Variants in TLCD4 observed in about 807,000 individuals in gnomAD.
TLCD4 encodes the protein TLC domain containing 4.
TLCD4 carries 7 observed loss-of-function variants against 24.2 expected under a neutral mutation model. The ratio of observed to expected loss-of-function variants is 0.29; its 90% CI spans 0.16 to 0.54. The LOEUF is 0.54. TLCD4 is among the 20% of genes least tolerant of loss of function. TLCD4 has a pLI of 0.95. For synonymous variants in TLCD4, 103 were observed against 106.4 expected, an observed-to-expected ratio of 0.97 and a Z score of 0.20; for missense variants, 259 against 313.9, an observed-to-expected ratio of 0.82 and a Z score of 1.32.
At chr1:95,128,752 T>A (rs1676809975) in intron 1 of TLCD4, among the ~76,000 whole-genome samples, 2 of 152,206 alleles carry the variant, frequency 1.3e-5, no homozygotes, top group Non-Finnish European at 2.9e-5. Context: ...AGCAGAATTG[T>A]ATGTGTGTGT....
At chr1:95,148,602 G>T in intron 2 of TLCD4, 100 bp from the exon 3 acceptor site, 1 of 1,492,524 alleles carries the variant, frequency 6.7e-7, no homozygotes, top group Non-Finnish European at 9.1e-7. Flanking sequence ...GTATATAAAT[G>T]CTTCCAGGTA....
rs1459834715 is a variant in TLCD4, at chr1:95,147,358, G to A, written c.156-1344G>A. ...CAAAGTGCTGGGATTACAGGTGTGA[G>A]CCACCATGCCCGGCCAAGGAATTTA... On this transcript the variant is annotated intron_variant, in intron 2 of 6. Transcript: ENST00000370203. Among the ~76,000 whole-genome samples the A allele has an allele frequency of 2.6e-5, 4 of 152,304 alleles. 1 individual carries two copies. In the East Asian group the frequency reaches 5.8e-4, roughly 22 times the overall value.
chr1:95,106,498 C>T, the TLCD4 span, among the ~76,000 whole-genome samples: 2 of 152,026 alleles, frequency 1.3e-5, no homozygotes, highest in African/African-American at 4.8e-5. Flanking sequence ...CTCAGGAGTC[C>T]GAGACCAGCC....
intron 6 of TLCD4, among the ~76,000 whole-genome samples, chr1:95,181,659 C>T (rs942194852): frequency 1.4e-4 from 22 of 151,816 alleles, no homozygotes; most frequent in Admixed American, 7.2e-4. Flanking sequence ...TGCCGTGGTG[C>T]GATCTTGGCT....
intron 6 of TLCD4, among the ~76,000 whole-genome samples, chr1:95,191,205 C>T (rs1374813395): frequency 6.6e-6 from 1 of 152,142 alleles, no homozygotes; most frequent in African/African-American, 2.4e-5. Flanking sequence ...CAATTTTGCA[C>T]ACCTTGTTGA....
chr1:95,153,716 T>C (rs1200370142), intron 5 of TLCD4, among the ~76,000 whole-genome samples: 1 of 152,142 alleles, frequency 6.6e-6, no homozygotes, highest in African/African-American at 2.4e-5. Context: ...GAGCTGCTAG[T>C]TAACTGTAGA....
chr1:95,147,138 A>G (rs1489822426), intron 2 of TLCD4, among the ~76,000 whole-genome samples: 3 of 151,342 alleles, frequency 2.0e-5, no homozygotes, highest in Admixed American at 6.6e-5. Context: ...CAGTGGTGCA[A>G]TCTCCACTCA....
chr1:95,168,304 T>C (rs1678089127), intron 5 of TLCD4, among the ~76,000 whole-genome samples: 1 of 152,104 alleles, frequency 6.6e-6, no homozygotes, highest in South Asian at 2.1e-4. Context: ...TTTGCAAGTG[T>C]GCTCACTGTC....
Position 95,192,590 on chromosome 1 carries a change from C to T in TLCD4, c.*722C>T, listed in dbSNP as rs559548493. On this transcript the variant is annotated 3_prime_UTR_variant, in exon 7 of 7. Transcript: ENST00000370203. ...AATAGCTCTTAACATTTGTTGTATGCACTCTTTTCTTACTATGGCTGTCAA... is the reference window on the plus strand; with the variant it reads ...AATAGCTCTTAACATTTGTTGTATGTACTCTTTTCTTACTATGGCTGTCAA... 6 of 152,264 alleles carry T rather than the reference C, an allele frequency of 3.9e-5. No individual in the cohort carries two copies. Among genetic ancestry groups the T allele is most frequent in the South Asian group, 4.1e-4 (2 of 4,830 alleles). 9.4% of individuals were successfully genotyped at this position (152,264 alleles called of 1,614,324 possible).
intron 3 of TLCD4, among the ~76,000 whole-genome samples, chr1:95,149,057 T>C (rs975120590): frequency 2.0e-5 from 3 of 152,240 alleles, no homozygotes; most frequent in Non-Finnish European, 2.9e-5. Flanking sequence ...ACTGTGTTAA[T>C]GAGTAAAGCC....
chr1:95,189,409 T>A (rs1195103421), intron 6 of TLCD4, among the ~76,000 whole-genome samples: 2 of 152,190 alleles, frequency 1.3e-5, no homozygotes, highest in Non-Finnish European at 2.9e-5. Context: ...CCTAATTGAT[T>A]GTTTAAAATT....
intron 1 of TLCD4, among the ~76,000 whole-genome samples, chr1:95,127,210 A>G (rs901105700): frequency 6.6e-6 from 1 of 152,174 alleles, no homozygotes; most frequent in African/African-American, 2.4e-5. Flanking sequence ...TTAAGAACCC[A>G]ACAAGTGGGA....
intron 6 of TLCD4, among the ~76,000 whole-genome samples, chr1:95,177,681 C>G (rs564126688): frequency 1.3e-5 from 2 of 152,256 alleles, no homozygotes; most frequent in East Asian, 3.9e-4. Context: ...AAGGAGCTCT[C>G]TTGGTGATAA....
At chr1:95,139,455 A>ATTTTT (rs200337389) in intron 1 of TLCD4, among the ~76,000 whole-genome samples, 1,150 of 93,926 alleles carry the variant, frequency 0.012, 59 homozygotes, top group Non-Finnish European at 0.018. Context: ...TAAACCTTTG[A>ATTTTT]TTTTTTTTTT....
At chr1:95,142,615 CCCATTGG>C (rs1677235144) in intron 1 of TLCD4, among the ~76,000 whole-genome samples, 2 of 152,102 alleles carry the variant, frequency 1.3e-5, no homozygotes, top group South Asian at 4.1e-4. Context: ...CTACAGGTTT[CCCATTGG>C]CCACTTGTTG....
At chr1:95,147,293 C>G (rs1366787286) in intron 2 of TLCD4, among the ~76,000 whole-genome samples, 4 of 152,048 alleles carry the variant, frequency 2.6e-5, no homozygotes, top group Non-Finnish European at 4.4e-5. Flanking sequence ...AGGCTGGTCT[C>G]AAACTCCTGA....
At position 95,191,170 on chromosome 1, in the gene TLCD4, C is replaced by T. The variant is rs111441147; in HGVS notation, c.474-380C>T. On this transcript the variant is annotated intron_variant, in intron 6 of 6. Transcript: ENST00000370203. ...TGTAAGGTGTGAGATCTCTGCTTAACTTCATTTTTCTCGATGTTGATATAC... is the reference window on the plus strand; with the variant it reads ...TGTAAGGTGTGAGATCTCTGCTTAATTTCATTTTTCTCGATGTTGATATAC... Among the ~76,000 whole-genome samples, 43 of 152,208 alleles carry T rather than the reference C, an allele frequency of 2.8e-4. 2 individuals carry two copies. The highest frequency in any genetic ancestry group is 1.0e-3 in the African/African-American group (43 of 41,524).
chr1:95,133,989 A>C (rs573911362), intron 1 of TLCD4, among the ~76,000 whole-genome samples: 1 of 151,746 alleles, frequency 6.6e-6, no homozygotes, highest in South Asian at 2.1e-4. Flanking sequence ...GAATAGGGCT[A>C]ATGGGTTGGG....
At chr1:95,188,389 GAAAAA>G (rs60956010) in intron 6 of TLCD4, among the ~76,000 whole-genome samples, 5 of 104,552 alleles carry the variant, frequency 4.8e-5, no homozygotes, top group Non-Finnish European at 8.9e-5. Context: ...CTCCGTCTCA[GAAAAA>G]AAAAAAAAAA....
Sources: allele counts gnomAD v4.1 joint callset (sites outside exome capture counted in the v4.1 genomes callset), GRCh38; gene constraint gnomAD v4.1.1; transcripts MANE v1.5; gene names NCBI Gene and HGNC (gene_info 2026-07-23, HGNC 2026-07-21).